TEX14: variants seen among roughly 807,000 people sequenced by gnomAD.
TEX14 encodes the protein testis expressed 14, intercellular bridge forming factor.
TEX14 carries 168 observed loss-of-function variants against 178.6 expected under a neutral mutation model. That is an observed-to-expected ratio of 0.94 (90% CI 0.83 to 1.07). The LOEUF is 1.07. TEX14 is among the 50% of genes least tolerant of loss of function. The pLI is 0.00. For synonymous variants in TEX14, 626 were observed against 634.1 expected, an observed-to-expected ratio of 0.99 and a Z score of 0.19; for missense variants, 1,730 against 1,753.6, an observed-to-expected ratio of 0.99 and a Z score of 0.24.
chr17:58,583,984 A>G (rs1443259832), intron 19 of TEX14, among the ~76,000 whole-genome samples: 2 of 152,178 alleles, frequency 1.3e-5, no homozygotes. Flanking sequence ...GCTATGGCCT[A>G]GAGTGTGTTA....
chr17:58,577,750 ATGT>A (rs1438212816), intron 20 of TEX14, among the ~76,000 whole-genome samples: 1 of 152,138 alleles, frequency 6.6e-6, no homozygotes, highest in African/African-American at 2.4e-5. Flanking sequence ...CTGAAGACAA[ATGT>A]TGTTTTGTCT....
intron 7 of TEX14, 110 bp downstream of exon 7, chr17:58,616,065 T>C (rs985744376): frequency 8.8e-6 from 11 of 1,243,762 alleles, no homozygotes; most frequent in Non-Finnish European, 1.2e-5. Context: ...CAGATGTTCT[T>C]AGGTGTTCCC....
rs1033979128 is a variant in TEX14 at position 58,613,441 on chromosome 17, A to C, written c.985T>G (p.Phe329Val). 15 of 1,614,012 alleles carry C rather than the reference A, an allele frequency of 9.3e-6. No individual in the cohort carries two copies. Among genetic ancestry groups the C allele is most frequent in the Non-Finnish European group, 1.3e-5 (15 of 1,180,010 alleles). Residue 329 changes from phenylalanine (F) to valine (V), a missense_variant, in exon 9 of 32, where the codon TTC becomes GTC. Physicochemically the swap from Phe to Val is conservative, Grantham distance 50. Transcript: ENST00000349033. Reference protein sequence around the residue: ...VYERITIGTLFSVLHERRSQF... With the variant: ...VYERITIGTLVSVLHERRSQF... ...TTTACTCGTTCATGAAGGACACTGAACAATGTGCCGATAGTGATGCGCTCG... is the reference window on the plus strand; with the variant it reads ...TTTACTCGTTCATGAAGGACACTGACCAATGTGCCGATAGTGATGCGCTCG...
At chr17:58,570,579 C>A (rs2044499069) in intron 24 of TEX14, 95 bp from the exon 25 acceptor site, 32 of 500,466 alleles carry the variant, frequency 6.4e-5, no homozygotes, top group Middle Eastern at 4.2e-4. Flanking sequence ...TTGATTAAGT[C>A]AAACTCACTC....
Position 58,557,033 on chromosome 17 carries a change from T to A in TEX14, c.4334A>T (p.Asp1445Val). The A allele has an allele frequency of 6.2e-7, 1 of 1,614,028 alleles. No homozygotes were observed. ...CAATCAGTCTGACAAGTCACTCTGA[T>A]CCAGCACGATTATCCTATGCACATG... ...WSESSRIIVL[D>V]QSDLSD The change falls in exon 32 of 32, where the codon GAT becomes GTT. Residue 1445 changes from aspartate to valine, a missense_variant. Asp to Val is a radical substitution (Grantham distance 152, BLOSUM62 -3). This residue lies in a region of TEX14 where 941 missense variants were observed against 1,072.4 expected (regional missense o/e 0.88). Coordinates refer to ENST00000349033, the MANE Select transcript of TEX14 (RefSeq NM_031272.5).
At chr17:58,673,655 G>C (rs752778501) in intron 1 of TEX14, among the ~76,000 whole-genome samples, 2 of 151,982 alleles carry the variant, frequency 1.3e-5, no homozygotes, top group Non-Finnish European at 2.9e-5. Flanking sequence ...TCAACCTCTT[G>C]GGCTCAGGTG....
chr17:58,629,918 CTTT>C (rs1196670899), intron 3 of TEX14, among the ~76,000 whole-genome samples: 4 of 116,740 alleles, frequency 3.4e-5, no homozygotes, highest in Admixed American at 9.0e-5. Context: ...TTTTTTTTTC[CTTT>C]TTTTTTTTTT....
intron 3 of TEX14, among the ~76,000 whole-genome samples, chr17:58,628,393 A>G (rs1415932598): frequency 2.6e-5 from 4 of 151,822 alleles, no homozygotes; most frequent in Non-Finnish European, 2.9e-5. Flanking sequence ...CCTGACCAAC[A>G]TAGTGAAACC....
chr17:58,586,611 G>A (rs2044980926), intron 17 of TEX14, among the ~76,000 whole-genome samples: 1 of 151,996 alleles, frequency 6.6e-6, no homozygotes, highest in Non-Finnish European at 1.5e-5. Flanking sequence ...AAAGAATAAT[G>A]CCCACAGGAT....
chr17:58,673,811 G>A (rs1023734956), intron 1 of TEX14, among the ~76,000 whole-genome samples: 5 of 151,950 alleles, frequency 3.3e-5, no homozygotes, highest in African/African-American at 7.3e-5. Context: ...TGGCTCAGGC[G>A]ATCCTCCCAC....
chr17:58,602,668 C>A, intron 11 of TEX14, 78 bp from the exon 12 acceptor site: 1 of 1,200,130 alleles, frequency 8.3e-7, no homozygotes, highest in Non-Finnish European at 1.2e-6. Context: ...TCAGATGAAG[C>A]TGGGTAACCT....
chr17:58,605,014 A>G lies in TEX14; in HGVS notation c.1300T>C (p.Tyr434His), dbSNP rs754159194. The G allele has an allele frequency of 6.2e-7, 1 of 1,614,214 alleles. No homozygotes were observed. Among genetic ancestry groups the G allele is most frequent in the Non-Finnish European group, 8.5e-7 (1 of 1,180,040 alleles). ...QKAATVKSDI[Y>H]SFSMIMQEIL... ...TCCTGCATGATCATAGAAAAGCTGT[A>G]GATGTCTGATTTCACTGTGGCTGCC... The change falls in exon 11 of 32, where the codon TAC becomes CAC. Residue 434 changes from tyrosine to histidine, a missense_variant. This residue lies in a region of TEX14 where 789 missense variants were observed against 681.2 expected (regional missense o/e 1.16). Transcript: ENST00000349033.
intron 15 of TEX14, among the ~76,000 whole-genome samples, chr17:58,592,988 ATGTATGAATATATTATATATACGTATATG>A (rs1480244009): frequency 5.9e-5 from 9 of 152,250 alleles, no homozygotes; most frequent in Admixed American, 4.6e-4. Flanking sequence ...ATATACATAT[ATGTATGAATATATTATATATACGTATATG>A]TGTATGAATA....
At chr17:58,621,869 G>C (rs939681438) in intron 4 of TEX14, 83 bp from the exon 5 acceptor site, 1 of 1,434,336 alleles carries the variant, frequency 7.0e-7, no homozygotes, top group Non-Finnish European at 9.3e-7. Context: ...TAAGTGGTCC[G>C]AGGAGCTGAG....
intron 1 of TEX14, among the ~76,000 whole-genome samples, chr17:58,674,919 G>GA (rs1321731737): frequency 6.6e-6 from 1 of 150,926 alleles, no homozygotes. Flanking sequence ...CTGAGGGGGG[G>GA]TGCATCACTT....
chr17:58,626,153 C>A (rs1486140371), intron 3 of TEX14, among the ~76,000 whole-genome samples: 1 of 152,120 alleles, frequency 6.6e-6, no homozygotes, highest in Non-Finnish European at 1.5e-5. Context: ...TGCCCAACAG[C>A]AATAGATCCC....
chr17:58,582,096 T>A (rs1326509105), intron 19 of TEX14, among the ~76,000 whole-genome samples: 1 of 152,138 alleles, frequency 6.6e-6, no homozygotes, highest in Non-Finnish European at 1.5e-5. Flanking sequence ...GGCAGAGACA[T>A]AGCCCATGTG....
rs753711180 is a variant in TEX14 at position 58,644,669 on chromosome 17, C to T, written c.136+7197G>A. Among the ~76,000 whole-genome samples the T allele has an allele frequency of 6.9e-4, 59 of 85,280 alleles. 1 individual carries two copies. The highest frequency in any genetic ancestry group is 4.6e-4 in the Non-Finnish European group (21 of 45,394). The allele number at this position is 85,280 out of a possible 152,430, so 55.9% of individuals were successfully genotyped here. On this transcript the variant is annotated intron_variant, in intron 2 of 31. Transcript: ENST00000349033. ...TTTTTTTTTTTTTTTTTTTTTCTGA[C>T]GGAGTTTCGCTCTTTTGCCCAGGCT...
chr17:58,602,918 T>C (rs1024762775), intron 11 of TEX14, among the ~76,000 whole-genome samples: 3 of 150,450 alleles, frequency 2.0e-5, no homozygotes, highest in African/African-American at 7.4e-5. Flanking sequence ...ATACAAAAAT[T>C]AGCCAGGCGT....
Sources: allele counts gnomAD v4.1 joint callset (sites outside exome capture counted in the v4.1 genomes callset), GRCh38; gene constraint gnomAD v4.1.1; regional missense constraint gnomAD v4.1.1; transcripts MANE v1.5; gene names NCBI Gene and HGNC (gene_info 2026-07-23, HGNC 2026-07-21).